GDAP1L1: variants seen among roughly 807,000 people sequenced by gnomAD.
The protein encoded by GDAP1L1 is ganglioside induced differentiation associated protein 1 like 1.
In GDAP1L1, 21 loss-of-function variants were observed where a neutral mutation model predicts 37.1. The observed-to-expected ratio is 0.57, with a 90% confidence interval of 0.40 to 0.81. The LOEUF is 0.81. Ranked by LOEUF, GDAP1L1 falls within the 40% of genes least tolerant of loss-of-function variation. The pLI, the probability that GDAP1L1 is intolerant of heterozygous loss-of-function variation, is 0.00. For missense variants in GDAP1L1, 362 were observed against 491.6 expected (o/e 0.74, Z 2.49); for synonymous variants, 193 against 209.1 (o/e 0.92, Z 0.67).
intron 5 of GDAP1L1, among the ~76,000 whole-genome samples, chr20:44,269,820 A>G (rs535966436): frequency 2.0e-5 from 3 of 152,236 alleles, no homozygotes; most frequent in African/African-American, 7.2e-5. Flanking sequence ...AATCCCAGCT[A>G]TTTGGAAGGC....
At chr20:44,249,614 G>A (rs555190970) in intron 1 of GDAP1L1, among the ~76,000 whole-genome samples, 3 of 152,338 alleles carry the variant, frequency 2.0e-5, no homozygotes, top group Non-Finnish European at 2.9e-5. Context: ...CCTGTTCTTT[G>A]CCTCATGAAA....
intron 3 of GDAP1L1, 82 bp downstream of exon 3, chr20:44,258,689 C>T: frequency 2.0e-6 from 2 of 998,884 alleles, no homozygotes; most frequent in Non-Finnish European, 3.0e-6. Context: ...CCTCCCTCTC[C>T]TGGGCCTCTC....
intron 1 of GDAP1L1, 48 bp from the exon 2 acceptor site, chr20:44,257,105 G>C: frequency 6.6e-7 from 1 of 1,504,788 alleles, no homozygotes; most frequent in East Asian, 2.5e-5. Context: ...TGGGCAGAGT[G>C]TCCCCTGTGT....
intron 4 of GDAP1L1, among the ~76,000 whole-genome samples, chr20:44,264,068 C>G (rs1456093811): frequency 6.6e-6 from 1 of 152,134 alleles, no homozygotes; most frequent in African/African-American, 2.4e-5. Context: ...AGGGGCCAGC[C>G]TTTTATCCCC....
intron 3 of GDAP1L1, among the ~76,000 whole-genome samples, chr20:44,261,740 T>G (rs2073677593): frequency 6.6e-6 from 1 of 152,178 alleles, no homozygotes; most frequent in Non-Finnish European, 1.5e-5. Flanking sequence ...CTGATTAGCG[T>G]GTTTGCGTTC....
At chr20:44,275,092 G>A (rs1055665620) in intron 5 of GDAP1L1, among the ~76,000 whole-genome samples, 8 of 151,966 alleles carry the variant, frequency 5.3e-5, no homozygotes, top group African/African-American at 1.9e-4. Context: ...GGAGGGTCTC[G>A]CCATGTTGCC....
intron 5 of GDAP1L1, among the ~76,000 whole-genome samples, chr20:44,268,780 G>A (rs975322418): frequency 6.6e-5 from 10 of 152,184 alleles, no homozygotes; most frequent in East Asian, 1.9e-4. Context: ...GGGAGTCCTC[G>A]GGAAAGTGGT....
At chr20:44,274,705 T>C (rs886487548) in intron 5 of GDAP1L1, among the ~76,000 whole-genome samples, 6 of 152,142 alleles carry the variant, frequency 3.9e-5, no homozygotes, top group African/African-American at 1.4e-4. Context: ...ATATTTAAAG[T>C]TTGCAGAGGG....
intron 1 of GDAP1L1, among the ~76,000 whole-genome samples, chr20:44,253,818 G>A (rs528023311): frequency 1.3e-5 from 2 of 152,348 alleles, no homozygotes; most frequent in South Asian, 2.1e-4. Context: ...CGCCTGCCAG[G>A]GTGACCCCAA....
intron 1 of GDAP1L1, among the ~76,000 whole-genome samples, chr20:44,254,010 T>C (rs1423423796): frequency 6.6e-6 from 1 of 152,238 alleles, no homozygotes; most frequent in Non-Finnish European, 1.5e-5. Context: ...GTTTGGACTC[T>C]GTTTCCACCC....
intron 5 of GDAP1L1, chr20:44,265,162 C>A: frequency 1.0e-6 from 1 of 985,438 alleles, no homozygotes; most frequent in South Asian, 4.7e-5. Context: ...CTTCGTGCTC[C>A]AGCCAGACAT....
chr20:44,259,563 T>C (rs1161412530), intron 3 of GDAP1L1, among the ~76,000 whole-genome samples: 2 of 151,120 alleles, frequency 1.3e-5, no homozygotes, highest in African/African-American at 2.4e-5. Context: ...TGGCGCAATC[T>C]TGACTCACTG....
chr20:44,278,473 C>G (rs574267819), intron 5 of GDAP1L1, among the ~76,000 whole-genome samples: 3 of 152,230 alleles, frequency 2.0e-5, no homozygotes, highest in African/African-American at 7.2e-5. Context: ...CTCCATCTCC[C>G]AGGTTGAGGC....
chr20:44,279,535 GAAAAAAC>G lies in GDAP1L1; in HGVS notation c.*244_*250del. 4.4e-6 allele frequency: 3 copies of G among 676,258 alleles called. No homozygotes were observed. Among genetic ancestry groups the G allele is most frequent in the Non-Finnish European group, 5.6e-6 (2 of 359,572 alleles). The allele number at this position is 676,258 out of a possible 1,614,324, so 41.9% of individuals were successfully genotyped here. On this transcript the variant is annotated 3_prime_UTR_variant, in exon 6 of 6. Coordinates refer to ENST00000342560, the MANE Select transcript of GDAP1L1 (RefSeq NM_024034.6). ...AGAGAGAGGAAGCGAGAGAGAGAGAGAAAAAACAAAAAACAGAAAACACGAATGCCTT... is the reference window on the plus strand; with the variant it reads ...AGAGAGAGGAAGCGAGAGAGAGAGAGAAAAAACAGAAAACACGAATGCCTT...
rs374791401 is a variant in GDAP1L1 at position 44,257,736 on chromosome 20, G to T, written c.373+391G>T. ...CAGACAGGGTCCAGATCTCCCAGGGGTTACAGGGCAAGGACAGGGCCCAGC... is the reference window on the plus strand; with the variant it reads ...CAGACAGGGTCCAGATCTCCCAGGGTTTACAGGGCAAGGACAGGGCCCAGC... On this transcript the variant is annotated intron_variant, in intron 2 of 5. Transcript: ENST00000342560. Among the ~76,000 whole-genome samples, 10 of 152,234 alleles carry T rather than the reference G, an allele frequency of 6.6e-5. No individual in the cohort carries two copies. The East Asian group carries it at 7.7e-4, about 12-fold the overall frequency.
Position 44,259,940 on chromosome 20 carries a change from C to T in GDAP1L1, c.547+1333C>T, listed in dbSNP as rs547811600. 9.2e-5 allele frequency among the ~76,000 whole-genome samples: 14 copies of T among 152,276 alleles called. No individual in the cohort carries two copies. In the East Asian group the frequency reaches 2.5e-3, roughly 27 times the overall value. The stretch of plus-strand genomic sequence containing the variant: ...GGGTCAAGTTCCATGGAAGGAAAGA[C>T]AAGTCACCAGCCAATTACAGTGCAG... On this transcript the variant is annotated intron_variant, in intron 3 of 5. Transcript: ENST00000342560.
chr20:44,259,303 C>A (rs2073629089), intron 3 of GDAP1L1, among the ~76,000 whole-genome samples: 1 of 152,096 alleles, frequency 6.6e-6, no homozygotes, highest in African/African-American at 2.4e-5. Context: ...AGGCTTTGAA[C>A]AAACACCATG....
At chr20:44,252,612 C>T (rs991003551) in intron 1 of GDAP1L1, among the ~76,000 whole-genome samples, 2 of 152,158 alleles carry the variant, frequency 1.3e-5, no homozygotes, top group African/African-American at 2.4e-5. Flanking sequence ...TGCACTCCAG[C>T]TTGGGTAACA....
Position 44,253,250 on chromosome 20 carries a change from G to A in GDAP1L1, c.181-3903G>A, listed in dbSNP as rs552117755. ...CCCTGAGGGCAGGGATCATTGTTTT[G>A]TTCACTGCTAAGTTTCCAACAAGAC... On this transcript the variant is annotated intron_variant, in intron 1 of 5. Transcript: ENST00000342560. Among the ~76,000 whole-genome samples the A allele has an allele frequency of 2.0e-4, 30 of 152,194 alleles. 1 individual carries two copies. The South Asian group carries it at 5.8e-3, about 29-fold the overall frequency.
Sources: gnomAD v4.1 joint callset for allele counts (sites outside exome capture counted in the v4.1 genomes callset) on GRCh38, gnomAD v4.1.1 for gene constraint, MANE v1.5 for transcripts, NCBI Gene and HGNC (gene_info 2026-07-23, HGNC 2026-07-21) for gene names.